The following GRIN1 variants were observed in gnomAD, a reference collection of about 807,000 sequenced individuals.
GRIN1 encodes the protein glutamate receptor ionotropic, NMDA 1.
In GRIN1, 38 loss-of-function variants were observed where a neutral mutation model predicts 103.0. The ratio of observed to expected loss-of-function variants is 0.37; its 90% CI spans 0.28 to 0.48. GRIN1 has a LOEUF of 0.48. Among genes scored for constraint, GRIN1 ranks in the 20% least tolerant of loss-of-function variants. The probability of loss-of-function intolerance (pLI) is 0.98; values close to 1 mark genes in which losing one functional copy is unlikely to be tolerated. For synonymous variants in GRIN1, 544 were observed against 532.7 expected, an observed-to-expected ratio of 1.02 and a Z score of -0.29; for missense variants, 577 against 1,288.9, an observed-to-expected ratio of 0.45 and a Z score of 8.46.
chr9:137,164,031 CA>C (rs1833717494), intron 18 of GRIN1, 127 bp downstream of exon 18: 2 of 1,175,172 alleles, frequency 1.7e-6, no homozygotes, highest in African/African-American at 1.5e-5. Flanking sequence ...GAGCCATGGC[CA>C]GGGGCAGTGG....
intron 2 of GRIN1, among the ~76,000 whole-genome samples, chr9:137,145,276 G>A (rs112817816): frequency 1.1e-3 from 77 of 72,224 alleles, no homozygotes; most frequent in Non-Finnish European, 1.4e-3. Context: ...GAGGAAGGGG[G>A]TCCCAGGGTC....
intron 2 of GRIN1, among the ~76,000 whole-genome samples, chr9:137,144,449 T>C (rs1320206740): frequency 6.6e-6 from 1 of 150,574 alleles, no homozygotes; most frequent in Non-Finnish European, 1.5e-5. Context: ...GGTCAGGAGA[T>C]CGAGACCATC....
Position 137,154,132 on chromosome 9 carries a change from TG to T in GRIN1, c.672-2536del, listed in dbSNP as rs1431294068. 9.6e-3 allele frequency among the ~76,000 whole-genome samples: 1,392 copies of T among 145,748 alleles called. 25 individuals are homozygous for T. The highest frequency in any genetic ancestry group is 0.015 in the Non-Finnish European group (974 of 65,978). On this transcript the variant is annotated intron_variant, in intron 4 of 19. Transcript: ENST00000371561. The stretch of plus-strand genomic sequence containing the variant: ...TGCCTTTTTTTTTTTCTTTTTTTTT[TG>T]TGTGTGTGTGTGAGACAGTCTTGCT...
intron 4 of GRIN1, among the ~76,000 whole-genome samples, chr9:137,150,809 CCCCGCCCAGAAAAGA>C (rs1339332344): frequency 2.1e-5 from 3 of 143,198 alleles, no homozygotes; most frequent in Admixed American, 7.0e-5. Flanking sequence ...CCAGGGAAAG[CCCCGCCCAGAAAAGA>C]CCCGCCCAGG....
Position 137,146,743 on chromosome 9 carries a change from G to A in GRIN1, c.570+841G>A, listed in dbSNP as rs1462307196. On this transcript the variant is annotated intron_variant, in intron 3 of 19. Coordinates refer to ENST00000371561, the MANE Select transcript of GRIN1 (RefSeq NM_007327.4). This position sits in a 1 kb window ranked among gnomAD's most constrained non-coding sequence, Gnocchi z 6.7. ...GCTCCTGATCAAGCAGTGGGAGGAG[G>A]CCCAGGCTGAGGAGGGCCAGACCTA... is the stretch of plus-strand genomic sequence containing the variant. Among the ~76,000 whole-genome samples, 2 of 152,128 alleles carry A rather than the reference G, an allele frequency of 1.3e-5. No homozygotes were observed. Among genetic ancestry groups the A allele is most frequent in the African/African-American group, 4.8e-5 (2 of 41,412 alleles).
rs73571550 is a variant in GRIN1 at position 137,157,311 on chromosome 9, A to G, written c.968+274A>G. Among the ~76,000 whole-genome samples the G allele has an allele frequency of 0.24, 36,026 of 152,060 alleles. 5,448 individuals are homozygous for G. The highest frequency in any genetic ancestry group is 0.33 in the Non-Finnish European group (22,345 of 67,930). On this transcript the variant is annotated intron_variant, in intron 6 of 19. Transcript: ENST00000371561. ...GGGTACTGCAGTGGAGCCTGCTGCC[A>G]ACATCCTCTGGACACTGTTACTTCT... is the stretch of plus-strand genomic sequence containing the variant.
At chr9:137,158,329 G>A (rs749670006) in intron 6 of GRIN1, 50 bp from the exon 7 acceptor site, 10 of 1,598,582 alleles carry the variant, frequency 6.3e-6, no homozygotes, top group Non-Finnish European at 7.7e-6. Flanking sequence ...GCAGGGAGGA[G>A]CAGGAGAAGG....
At chr9:137,153,402 G>A (rs1203313348) in intron 4 of GRIN1, among the ~76,000 whole-genome samples, 1 of 147,982 alleles carries the variant, frequency 6.8e-6, no homozygotes, top group Non-Finnish European at 1.5e-5. Flanking sequence ...CACACCACAT[G>A]CTCCATGCAT....
In GRIN1 at chr9:137,139,542, G is replaced by A; in HGVS notation, c.56G>A (p.Arg19His). The stretch of plus-strand genomic sequence containing the variant: ...CTGCTGTTCTCCTGCTCCGTCGCCC[G>A]TGCCGCGTGCGACCCCAAGATCGTC... ...LALLFSCSVARAACDPKIVNI... is the reference protein window; with the variant it reads ...LALLFSCSVAHAACDPKIVNI... The change falls in exon 1 of 20, where the codon CGT becomes CAT. Residue 19 changes from arginine to histidine, a missense_variant. This residue lies in a region of GRIN1 where 308 missense variants were observed against 553.6 expected (regional missense o/e 0.56). Transcript: ENST00000371561. This position sits in a 1 kb window ranked among gnomAD's most constrained non-coding sequence, Gnocchi z 7.7. The A allele has an allele frequency of 6.2e-7, 1 of 1,611,186 alleles. No individual in the cohort carries two copies. Among genetic ancestry groups the A allele is most frequent in the Non-Finnish European group, 8.5e-7 (1 of 1,179,154 alleles).
At position 137,160,436 on chromosome 9, in the gene GRIN1, C is replaced by CTTTTTTTTTTT. The variant is rs563443845; in HGVS notation, c.1198-619_1198-609dup. Among the ~76,000 whole-genome samples, 162 of 147,716 alleles carry CTTTTTTTTTTT rather than the reference C, an allele frequency of 1.1e-3. 1 individual carries two copies. Among genetic ancestry groups the CTTTTTTTTTTT allele is most frequent in the African/African-American group, 3.7e-3 (150 of 40,388 alleles). ...GCTCCTCTGCTGGAGGGAATCATGTCTTTTTTTTTTTGAGACAGAGTCTCG... is the reference window on the plus strand; with the variant it reads ...GCTCCTCTGCTGGAGGGAATCATGTCTTTTTTTTTTTTTTTTTTTTTTGAGACAGAGTCTCG... On this transcript the variant is annotated intron_variant, in intron 8 of 19. Transcript: ENST00000371561.
intron 1 of GRIN1, among the ~76,000 whole-genome samples, chr9:137,141,418 T>A (rs1248664792): frequency 6.6e-6 from 1 of 152,138 alleles, no homozygotes; most frequent in East Asian, 1.9e-4. Flanking sequence ...CCCCAATGCC[T>A]CCCTTCCCTT....
chr9:137,149,057 C>T lies in GRIN1; in HGVS notation c.619C>T (p.Leu207=), dbSNP rs922642160. The T allele has an allele frequency of 6.2e-7, 1 of 1,613,748 alleles. No homozygotes were observed. The highest frequency in any genetic ancestry group is 8.5e-7 in the Non-Finnish European group (1 of 1,179,784). The part of the protein sequence containing the change: ...FDPGTKNVTA[L]LMEAKELEAR... ...CCCAGGGACCAAGAACGTGACGGCCCTGCTGATGGAGGCGAAAGAGCTGGA... is the reference window on the plus strand; with the variant it reads ...CCCAGGGACCAAGAACGTGACGGCCTTGCTGATGGAGGCGAAAGAGCTGGA... Residue 207 remains leucine, a synonymous_variant, in exon 4 of 20, where the codon CTG becomes TTG. Coordinates refer to ENST00000371561, the MANE Select transcript of GRIN1 (RefSeq NM_007327.4).
intron 19 of GRIN1, 68 bp downstream of exon 19, chr9:137,165,364 C>A: frequency 1.0e-6 from 1 of 990,620 alleles, no homozygotes; most frequent in South Asian, 1.3e-5. Context: ...GTCTCCCGCC[C>A]CATCACCCCG....
chr9:137,142,184 G>C (rs189630009), intron 2 of GRIN1, 37 bp downstream of exon 2: 1 of 1,611,410 alleles, frequency 6.2e-7, no homozygotes, highest in Non-Finnish European at 8.5e-7. Context: ...TCCGGCCCTC[G>C]GCCCCAGGGC....
chr9:137,167,349 G>C, intron 19 of GRIN1, 62 bp from the exon 20 acceptor site: 2 of 1,319,884 alleles, frequency 1.5e-6, no homozygotes, highest in South Asian at 1.3e-5. Flanking sequence ...TGGGCGCTGA[G>C]GGCTGGGGTC....
At chr9:137,164,834 T>C (rs1005131928) in intron 18 of GRIN1, 2 of 347,416 alleles carry the variant, frequency 5.8e-6, no homozygotes, top group Non-Finnish European at 1.1e-5. Context: ...CGCAGACAGC[T>C]GGTGTGGCCT....
intron 3 of GRIN1, chr9:137,148,023 G>A: frequency 1.7e-6 from 1 of 605,554 alleles, no homozygotes. Context: ...CGGTGTTTGC[G>A]AGCTCCAGGT....
At chr9:137,160,998 T>G in intron 8 of GRIN1, 58 bp from the exon 9 acceptor site, 1 of 1,609,762 alleles carries the variant, frequency 6.2e-7, no homozygotes, top group South Asian at 1.1e-5. Flanking sequence ...GAGAAGAGAC[T>G]GCCGCCCTGG....
At chr9:137,158,833 C>T in intron 8 of GRIN1, 129 bp downstream of exon 8, 1 of 723,006 alleles carries the variant, frequency 1.4e-6, no homozygotes, top group South Asian at 1.5e-5. Context: ...GGGCCTGCTT[C>T]CCCTGGACAC....
Sources: allele counts gnomAD v4.1 joint callset (sites outside exome capture counted in the v4.1 genomes callset), GRCh38; gene constraint gnomAD v4.1.1; regional missense constraint gnomAD v4.1.1; non-coding constraint Gnocchi (gnomAD v3.1); transcripts MANE v1.5; gene names NCBI Gene and HGNC (gene_info 2026-07-23, HGNC 2026-07-21).